CSMD1: variants seen among roughly 807,000 people sequenced by gnomAD.
CSMD1 encodes CUB and Sushi multiple domains 1.
In CSMD1, 213 loss-of-function variants were observed where a neutral mutation model predicts 417.5. The ratio of observed to expected loss-of-function variants is 0.51; its 90% CI spans 0.46 to 0.57. CSMD1 has a LOEUF of 0.57. Among genes scored for constraint, CSMD1 ranks in the 20% least tolerant of loss-of-function variants. CSMD1 has a pLI of 0.00. For synonymous variants in CSMD1, 2,862 were observed against 1,736.8 expected (o/e 1.65, Z -16.11); for missense variants, 6,923 against 4,529.7 (o/e 1.53, Z -15.17).
In CSMD1 at chr8:4,283,572, C is replaced by G. The variant is rs546722424; in HGVS notation, c.415+136381G>C. Among the ~76,000 whole-genome samples, 2 of 152,234 alleles carry G rather than the reference C, an allele frequency of 1.3e-5. 1 individual carries two copies. The highest frequency in any genetic ancestry group is 4.8e-5 in the African/African-American group (2 of 41,560). ...TTATATATGTCGTATAGTTAAAAGTCTTCAACATGTAATTTAGGAAACCCA... is the reference window on the plus strand; with the variant it reads ...TTATATATGTCGTATAGTTAAAAGTGTTCAACATGTAATTTAGGAAACCCA... On this transcript the variant is annotated intron_variant, in intron 3 of 69. Coordinates refer to ENST00000635120, the MANE Select transcript of CSMD1 (RefSeq NM_033225.6).
intron 22 of CSMD1, among the ~76,000 whole-genome samples, chr8:3,345,899 T>C (rs1807958192): frequency 6.6e-6 from 1 of 152,234 alleles, no homozygotes; most frequent in Non-Finnish European, 1.5e-5. Flanking sequence ...TCTATATTCC[T>C]TTCATGACAT....
At chr8:4,283,049 G>A (rs564272733) in intron 3 of CSMD1, among the ~76,000 whole-genome samples, 29 of 152,086 alleles carry the variant, frequency 1.9e-4, no homozygotes, top group African/African-American at 2.7e-4. Context: ...AAAAATGCCT[G>A]ATAGTTAGAA....
chr8:3,459,501 C>T (rs1816365261), intron 12 of CSMD1, among the ~76,000 whole-genome samples: 2 of 152,152 alleles, frequency 1.3e-5, no homozygotes, highest in African/African-American at 4.8e-5. Context: ...ACGCATGCGG[C>T]AGTCGGAGAC....
intron 5 of CSMD1, chr8:3,950,063 T>G (rs1375642218): frequency 8.9e-6 from 4 of 447,050 alleles, no homozygotes; most frequent in Non-Finnish European, 1.8e-5. Context: ...CAGGACTGAG[T>G]TGCCAGAAAA....
chr8:3,848,650 A>C (rs1250566862), intron 5 of CSMD1, among the ~76,000 whole-genome samples: 1 of 152,128 alleles, frequency 6.6e-6, no homozygotes, highest in Non-Finnish European at 1.5e-5. Flanking sequence ...TTTAATTTTA[A>C]AGCCAGATTT....
At chr8:4,965,449 G>C (rs149553674) in intron 1 of CSMD1, among the ~76,000 whole-genome samples, 3 of 152,344 alleles carry the variant, frequency 2.0e-5, no homozygotes, top group East Asian at 1.9e-4. Flanking sequence ...AGTTGTCTCA[G>C]TGATAATGCA....
chr8:4,162,330 C>G (rs1334724191), intron 3 of CSMD1, among the ~76,000 whole-genome samples: 4 of 152,076 alleles, frequency 2.6e-5, no homozygotes, highest in Admixed American at 2.6e-4. Context: ...TATGTTACTA[C>G]AAAAGAAAAG....
chr8:4,594,888 A>C (rs1001411364), intron 2 of CSMD1, among the ~76,000 whole-genome samples: 5 of 152,188 alleles, frequency 3.3e-5, no homozygotes, highest in African/African-American at 1.2e-4. Context: ...ATGACTCTGT[A>C]AAAGGAATGT....
intron 12 of CSMD1, among the ~76,000 whole-genome samples, chr8:3,461,186 T>G (rs1268790020): frequency 6.6e-6 from 1 of 152,000 alleles, no homozygotes; most frequent in Non-Finnish European, 1.5e-5. Context: ...CTCAGGGAAG[T>G]GCTCAAACAA....
At chr8:4,438,136 T>A (rs937629493) in intron 2 of CSMD1, among the ~76,000 whole-genome samples, 3 of 152,198 alleles carry the variant, frequency 2.0e-5, no homozygotes, top group Admixed American at 6.5e-5. Flanking sequence ...CAGAAAAGAA[T>A]TGAGTGTGCT....
chr8:4,114,693 T>G (rs1802040494), intron 3 of CSMD1, among the ~76,000 whole-genome samples: 1 of 152,094 alleles, frequency 6.6e-6, no homozygotes, highest in Admixed American at 6.6e-5. Flanking sequence ...TGGGAGGAGG[T>G]CAAAATTTCA....
At chr8:4,480,140 T>G (rs1801014395) in intron 2 of CSMD1, among the ~76,000 whole-genome samples, 1 of 151,108 alleles carries the variant, frequency 6.6e-6, no homozygotes, top group Admixed American at 6.6e-5. Context: ...ATTGAGAATC[T>G]GTTTTCTACT....
At chr8:4,323,812 C>A (rs944856945) in intron 3 of CSMD1, among the ~76,000 whole-genome samples, 1 of 152,136 alleles carries the variant, frequency 6.6e-6, no homozygotes, top group Non-Finnish European at 1.5e-5. Flanking sequence ...AAAGGATGGG[C>A]AGCTCCTAAT....
chr8:2,951,198 G>C lies in CSMD1; in HGVS notation c.10117C>G (p.Leu3373Val), dbSNP rs1802605785. 6.2e-7 allele frequency: 1 copy of C among 1,612,878 alleles called. No homozygotes were observed. Among genetic ancestry groups the C allele is most frequent in the Non-Finnish European group, 8.5e-7 (1 of 1,179,440 alleles). ...GTTGCATTGAACCAGTCAACAGTTA[G>C]AGTGGCGGGTTGTCTTTTCCCTAAA... The part of the protein sequence containing the change: ...EYLGKRQPAT[L>V]TVDWFNATSS... The change falls in exon 66 of 70, where the codon CTA (leucine) becomes GTA (valine). Residue 3373 changes from leucine to valine, a missense_variant. Coordinates refer to ENST00000635120, the MANE Select transcript of CSMD1 (RefSeq NM_033225.6).
chr8:3,314,409 A>T (rs942353414), intron 23 of CSMD1, among the ~76,000 whole-genome samples: 1 of 152,174 alleles, frequency 6.6e-6, no homozygotes, highest in Non-Finnish European at 1.5e-5. Flanking sequence ...AAACATACAG[A>T]AGGTATCCTT....
intron 9 of CSMD1, among the ~76,000 whole-genome samples, chr8:3,583,550 G>A (rs114823676): frequency 1.3e-5 from 2 of 152,028 alleles, no homozygotes; most frequent in African/African-American, 4.8e-5. Context: ...GCTAAGGAGA[G>A]TTGCAGGCCA....
chr8:4,551,767 C>A (rs1259853969), intron 2 of CSMD1, among the ~76,000 whole-genome samples: 2 of 152,136 alleles, frequency 1.3e-5, no homozygotes, highest in African/African-American at 4.8e-5. Flanking sequence ...TCACTGCAAC[C>A]TCTCAGGCTG....
intron 3 of CSMD1, among the ~76,000 whole-genome samples, chr8:4,210,939 G>T (rs116504653): frequency 6.6e-6 from 1 of 152,208 alleles, no homozygotes; most frequent in Non-Finnish European, 1.5e-5. Context: ...ATTGTCTGGA[G>T]TTCTGCTTTA....
At chr8:3,757,603 C>T (rs1360684612) in intron 5 of CSMD1, among the ~76,000 whole-genome samples, 2 of 152,136 alleles carry the variant, frequency 1.3e-5, no homozygotes, top group Non-Finnish European at 2.9e-5. Context: ...TGGCTCACCC[C>T]TGTAATCCCA....
Sources: allele counts gnomAD v4.1 joint callset (sites outside exome capture counted in the v4.1 genomes callset), GRCh38; gene constraint gnomAD v4.1.1; transcripts MANE v1.5; gene names NCBI Gene and HGNC (gene_info 2026-07-23, HGNC 2026-07-21).